Variants in FAM53B observed in about 807,000 individuals in gnomAD.
FAM53B encodes the protein protein FAM53B.
FAM53B carries 12 observed loss-of-function variants against 32.7 expected under a neutral mutation model. That is an observed-to-expected ratio of 0.37 (90% CI 0.24 to 0.59). The LOEUF (loss-of-function observed/expected upper bound fraction) is 0.59. FAM53B is among the 20% of genes least tolerant of loss of function. FAM53B has a pLI of 0.72. For synonymous variants in FAM53B, 234 were observed against 228.7 expected (o/e 1.02, Z -0.21); for missense variants, 477 against 577.7 (o/e 0.83, Z 1.79).
intron 1 of FAM53B, among the ~76,000 whole-genome samples, chr10:124,741,125 C>T (rs1950197002): frequency 6.6e-6 from 1 of 152,332 alleles, no homozygotes; most frequent in East Asian, 1.9e-4. Context: ...GAGAGTCCCT[C>T]CACATCTGGT....
At chr10:124,634,780 A>C (rs1949416760) in intron 4 of FAM53B, among the ~76,000 whole-genome samples, 1 of 152,210 alleles carries the variant, frequency 6.6e-6, no homozygotes, top group African/African-American at 2.4e-5. Flanking sequence ...TGGTGGCTGA[A>C]GGGGACGGGG....
intron 1 of FAM53B, among the ~76,000 whole-genome samples, chr10:124,717,900 C>T (rs965283255): frequency 1.3e-5 from 2 of 152,140 alleles, no homozygotes; most frequent in African/African-American, 4.8e-5. Flanking sequence ...CTCGGACTCT[C>T]CCTCTCCTGC....
At chr10:124,696,015 A>T in intron 3 of FAM53B, 143 bp downstream of exon 3, 1 of 695,622 alleles carries the variant, frequency 1.4e-6, no homozygotes, top group East Asian at 2.5e-5. Context: ...GGGGACCAAA[A>T]TAGTTAAAAC....
In FAM53B at chr10:124,620,354, A is replaced by ACCC. The variant is rs1949299388; in HGVS notation, c.*2887_*2888insGGG. ...AATGAGTGGGGTGCATGTGGCACTA[A>ACCC]GCCCCCCCCACCGCCCCGGCTTTCC... On this transcript the variant is annotated 3_prime_UTR_variant, in exon 5 of 5. Coordinates refer to ENST00000337318, the MANE Select transcript of FAM53B (RefSeq NM_014661.4). 1 of 123,104 alleles carries ACCC rather than the reference A, an allele frequency of 8.1e-6. No individual in the cohort carries two copies. Among genetic ancestry groups the ACCC allele is most frequent in the South Asian group, 3.0e-4 (1 of 3,338 alleles). The allele number at this position is 123,104 out of a possible 1,614,324, so 7.6% of individuals were successfully genotyped here.
chr10:124,701,739 C>T (rs1358989966), intron 2 of FAM53B, among the ~76,000 whole-genome samples: 2 of 152,140 alleles, frequency 1.3e-5, no homozygotes, highest in African/African-American at 4.8e-5. Context: ...TGGCTGCCGG[C>T]AGTGCAAGCG....
chr10:124,692,256 G>A (rs868852960), intron 3 of FAM53B, among the ~76,000 whole-genome samples: 141 of 152,204 alleles, frequency 9.3e-4, no homozygotes, highest in African/African-American at 3.3e-3. Flanking sequence ...TCCCACCCAC[G>A]CTTCACGCTG....
intron 4 of FAM53B, among the ~76,000 whole-genome samples, chr10:124,632,461 C>T (rs951174167): frequency 2.0e-5 from 3 of 152,250 alleles, no homozygotes; most frequent in African/African-American, 7.2e-5. Context: ...CGCCCACAGA[C>T]CTTGAATAGA....
At chr10:124,706,335 G>A (rs1437700631) in intron 2 of FAM53B, among the ~76,000 whole-genome samples, 1 of 152,230 alleles carries the variant, frequency 6.6e-6, no homozygotes, top group Non-Finnish European at 1.5e-5. Flanking sequence ...GGAGACAGAA[G>A]GAATGTCAAT....
At chr10:124,648,471 C>G (rs192352567) in intron 4 of FAM53B, among the ~76,000 whole-genome samples, 1 of 152,336 alleles carries the variant, frequency 6.6e-6, no homozygotes, top group East Asian at 1.9e-4. Context: ...CATCTCCCCG[C>G]TCCTTGGGAG....
chr10:124,626,395 C>CG (rs1288472493), intron 4 of FAM53B, among the ~76,000 whole-genome samples: 1 of 146,356 alleles, frequency 6.8e-6, no homozygotes, highest in Admixed American at 6.7e-5. Flanking sequence ...TGTGCCCCCC[C>CG]CCCCCCCACC....
intron 4 of FAM53B, among the ~76,000 whole-genome samples, chr10:124,647,494 G>A (rs930226124): frequency 7.9e-5 from 12 of 152,222 alleles, no homozygotes; most frequent in African/African-American, 2.9e-4. Context: ...GAAAAGGAAA[G>A]CTGTCGCCAA....
At chr10:124,731,359 G>A (rs558485544) in intron 1 of FAM53B, among the ~76,000 whole-genome samples, 1 of 152,282 alleles carries the variant, frequency 6.6e-6, no homozygotes, top group Admixed American at 6.5e-5. Context: ...TCAGAGAAGT[G>A]AAGTGGCTGA....
At chr10:124,645,858 G>A (rs528989509) in intron 4 of FAM53B, among the ~76,000 whole-genome samples, 3 of 152,262 alleles carry the variant, frequency 2.0e-5, no homozygotes, top group African/African-American at 7.2e-5. Flanking sequence ...TGTCCCGGGG[G>A]CAGCAGGCCT....
At chr10:124,707,899 C>T (rs1175144326) in intron 1 of FAM53B, 6 of 152,246 alleles carry the variant, frequency 3.9e-5, no homozygotes, top group Non-Finnish European at 4.4e-5. Flanking sequence ...CTCAGCATCG[C>T]CATTCTGCAC....
In FAM53B at chr10:124,651,484, T is replaced by G. The variant is rs535294339; in HGVS notation, c.907-27880A>C. On this transcript the variant is annotated intron_variant, in intron 4 of 4. Transcript: ENST00000337318. This position sits in a 1 kb window ranked among gnomAD's most constrained non-coding sequence, Gnocchi z 5.2. ...ATAAAGGCATGCTGTGGCCCCTCAC[T>G]GCTGAACTGCAGGCACTGTAGCAGG... Among the ~76,000 whole-genome samples the G allele has an allele frequency of 6.6e-6, 1 of 152,298 alleles. No homozygotes were observed. Among genetic ancestry groups the G allele is most frequent in the South Asian group, 2.1e-4 (1 of 4,826 alleles).
At position 124,733,719 on chromosome 10, in the gene FAM53B, TTGA is replaced by T. The variant is rs1442181037; in HGVS notation, c.-175+10291_-175+10293del. ...CACATCACTCTGGCCAAGGCGGCACTTGATGAAAATTCTCAGAGGCTAGTCTCA... is the reference window on the plus strand; with the variant it reads ...CACATCACTCTGGCCAAGGCGGCACTTGAAAATTCTCAGAGGCTAGTCTCA... On this transcript the variant is annotated intron_variant, in intron 1 of 4. Coordinates refer to ENST00000337318, the MANE Select transcript of FAM53B (RefSeq NM_014661.4). This position sits in a 1 kb window ranked among gnomAD's most constrained non-coding sequence, Gnocchi z 4.3. Among the ~76,000 whole-genome samples the T allele has an allele frequency of 2.0e-5, 3 of 152,208 alleles. No individual in the cohort carries two copies. The East Asian group carries it at 5.8e-4, about 29-fold the overall frequency.
At chr10:124,734,684 T>C (rs1383640686) in intron 1 of FAM53B, among the ~76,000 whole-genome samples, 3 of 152,084 alleles carry the variant, frequency 2.0e-5, no homozygotes, top group Non-Finnish European at 4.4e-5. Flanking sequence ...TCCCAGAACC[T>C]AGTGAACAGC....
chr10:124,725,271 C>T (rs945500428), intron 1 of FAM53B, among the ~76,000 whole-genome samples: 56 of 152,216 alleles, frequency 3.7e-4, no homozygotes, highest in South Asian at 2.1e-4. Context: ...GACTTCAACG[C>T]ACCATTTCCT....
intron 1 of FAM53B, among the ~76,000 whole-genome samples, chr10:124,730,320 T>G (rs949027830): frequency 1.3e-5 from 2 of 152,080 alleles, no homozygotes. Flanking sequence ...CATGGCAGAG[T>G]TGATGAGGCC....
Sources: gnomAD v4.1 joint callset for allele counts (sites outside exome capture counted in the v4.1 genomes callset) on GRCh38, gnomAD v4.1.1 for gene constraint, Gnocchi (gnomAD v3.1) non-coding constraint, MANE v1.5 for transcripts, NCBI Gene and HGNC (gene_info 2026-07-23, HGNC 2026-07-21) for gene names.